The following ITPRID1 variants were observed in gnomAD, a reference collection of about 807,000 sequenced individuals.
ITPRID1 encodes the protein protein ITPRID1.
Under a neutral mutation model 95.4 loss-of-function variants are expected in ITPRID1, and 96 were observed. That is an observed-to-expected ratio of 1.01 (90% CI 0.85 to 1.19). ITPRID1 has a LOEUF of 1.19. Among genes scored for constraint, ITPRID1 ranks in the 50% most tolerant of loss-of-function variants. The pLI is 0.00. For synonymous variants in ITPRID1, 510 were observed against 453.6 expected, an observed-to-expected ratio of 1.12 and a Z score of -1.58; for missense variants, 1,339 against 1,252.9, an observed-to-expected ratio of 1.07 and a Z score of -1.04.
In ITPRID1 at chr7:31,642,245, C is replaced by T. The variant is rs748190032; in HGVS notation, c.1298C>T (p.Pro433Leu). ...GGGTTCCTGGAGGAGCCGCTGGAAC[C>T]GCTGCCCCTCCAGGTAGGAGGGTTT... is the stretch of plus-strand genomic sequence containing the variant. ...SSGFLEEPLE[P>L]LPLQMPSLPN... The change falls in exon 11 of 15, where the codon CCG becomes CTG. Residue 433 changes from proline (P) to leucine (L), a missense_variant. Coordinates refer to ENST00000615280, the MANE Select transcript of ITPRID1 (RefSeq NM_001257967.3). 44 of 1,552,610 alleles carry T rather than the reference C, an allele frequency of 2.8e-5. No individual in the cohort carries two copies. Among genetic ancestry groups the T allele is most frequent in the East Asian group, 4.9e-5 (2 of 41,210 alleles).
chr7:31,567,532 A>G (rs997128609), intron 5 of ITPRID1, among the ~76,000 whole-genome samples: 1 of 150,904 alleles, frequency 6.6e-6, no homozygotes, highest in East Asian at 2.0e-4. Flanking sequence ...ATATATTCCC[A>G]CTCACTATTT....
At chr7:31,648,259 A>G (rs1023939742) in intron 12 of ITPRID1, among the ~76,000 whole-genome samples, 7 of 152,154 alleles carry the variant, frequency 4.6e-5, no homozygotes, top group African/African-American at 1.4e-4. Flanking sequence ...GTTTGTTTCA[A>G]TGGGTTTGGG....
At chr7:31,632,422 G>T (rs1321475046) in intron 10 of ITPRID1, among the ~76,000 whole-genome samples, 1 of 152,078 alleles carries the variant, frequency 6.6e-6, no homozygotes. Context: ...ACTCCAGCCT[G>T]GGTGACAGAG....
At chr7:31,622,834 T>G (rs191443634) in intron 10 of ITPRID1, among the ~76,000 whole-genome samples, 18,094 of 151,796 alleles carry the variant, frequency 0.12, 1,225 homozygotes, top group Middle Eastern at 0.17. Flanking sequence ...TTTTTTGAAA[T>G]GATCAACAAA....
Position 31,585,300 on chromosome 7 carries a change from C to T in ITPRID1, c.1228+2109C>T, listed in dbSNP as rs149431927. Among the ~76,000 whole-genome samples the T allele has an allele frequency of 1.5e-3, 227 of 152,230 alleles. 2 individuals carry two copies. Among genetic ancestry groups the T allele is most frequent in the African/African-American group, 5.1e-3 (210 of 41,532 alleles). ...GTAGTAAGACTGTATTGCCTCTGCT[C>T]ATGGGCAATACTCTGCATACTAGCA... is the stretch of plus-strand genomic sequence containing the variant. On this transcript the variant is annotated intron_variant, in intron 10 of 14. Transcript: ENST00000615280.
At chr7:31,568,972 T>G (rs1297240874) in intron 5 of ITPRID1, among the ~76,000 whole-genome samples, 5 of 152,242 alleles carry the variant, frequency 3.3e-5, no homozygotes, top group African/African-American at 1.2e-4. Flanking sequence ...TGGAGATCAA[T>G]AATATCTATT....
chr7:31,524,326 A>G (rs1264600058), intron 1 of ITPRID1, among the ~76,000 whole-genome samples: 1 of 152,212 alleles, frequency 6.6e-6, no homozygotes, highest in Non-Finnish European at 1.5e-5. Context: ...TATGAGCAAA[A>G]TAAATGAAAA....
At chr7:31,524,770 T>C (rs217169) in intron 1 of ITPRID1, among the ~76,000 whole-genome samples, 93,814 of 152,022 alleles carry the variant, frequency 0.62, 29,608 homozygotes, top group East Asian at 0.86. Context: ...GTTATCTTAG[T>C]TTATTTTACG....
chr7:31,623,837 G>C (rs1012659102), intron 10 of ITPRID1, among the ~76,000 whole-genome samples: 1 of 152,180 alleles, frequency 6.6e-6, no homozygotes, highest in Admixed American at 6.5e-5. Flanking sequence ...AATTGTCCCT[G>C]TTTGCAGATG....
chr7:31,651,363 A>T (rs773862665), intron 13 of ITPRID1, 94 bp downstream of exon 13: 323 of 1,360,832 alleles, frequency 2.4e-4, no homozygotes, highest in Non-Finnish European at 3.0e-4. Context: ...ACCCTGGAGC[A>T]GAGCTAATGA....
At chr7:31,535,285 T>A (rs1310862417) in intron 1 of ITPRID1, among the ~76,000 whole-genome samples, 2 of 152,086 alleles carry the variant, frequency 1.3e-5, no homozygotes, top group Non-Finnish European at 2.9e-5. Context: ...AATATCACTG[T>A]CTTAACTTTT....
intron 12 of ITPRID1, among the ~76,000 whole-genome samples, chr7:31,648,627 T>C (rs924137573): frequency 6.6e-6 from 1 of 152,146 alleles, no homozygotes; most frequent in Non-Finnish European, 1.5e-5. Context: ...TACATGAGCA[T>C]AAAATTCAAT....
chr7:31,542,113 T>C (rs942476101), intron 1 of ITPRID1, among the ~76,000 whole-genome samples: 4 of 152,192 alleles, frequency 2.6e-5, no homozygotes, highest in Non-Finnish European at 4.4e-5. Flanking sequence ...AAATTGTTTT[T>C]TCAATAGTCT....
chr7:31,617,427 C>T lies in ITPRID1; in HGVS notation c.1229-24749C>T, dbSNP rs186108083. The stretch of plus-strand genomic sequence containing the variant: ...GGCAAGAGAGTCATTGAAATAATAA[C>T]CAAATCTCCCCAACAGTTTAATTAA... On this transcript the variant is annotated intron_variant, in intron 10 of 14. Coordinates refer to ENST00000615280, the MANE Select transcript of ITPRID1 (RefSeq NM_001257967.3). Among the ~76,000 whole-genome samples the T allele has an allele frequency of 7.9e-5, 12 of 152,164 alleles. No homozygotes were observed. In the East Asian group the frequency reaches 2.1e-3, roughly 27 times the overall value.
chr7:31,534,122 C>A (rs781315316), intron 1 of ITPRID1, among the ~76,000 whole-genome samples: 4 of 152,154 alleles, frequency 2.6e-5, no homozygotes, highest in Non-Finnish European at 4.4e-5. Context: ...TGAGGTGGAA[C>A]AATTTCATTC....
At chr7:31,651,077 C>T in intron 12 of ITPRID1, 65 bp from the exon 13 acceptor site, 1 of 1,555,734 alleles carries the variant, frequency 6.4e-7, no homozygotes, top group Non-Finnish European at 8.7e-7. Context: ...ACAGGCTCCA[C>T]CATGGTGAGC....
At chr7:31,522,143 G>A (rs1417899784) in intron 1 of ITPRID1, among the ~76,000 whole-genome samples, 1 of 152,094 alleles carries the variant, frequency 6.6e-6, no homozygotes, top group Non-Finnish European at 1.5e-5. Context: ...CTGAGTATTA[G>A]GAAGTTGTTT....
rs113587522 is a variant in ITPRID1 at position 31,633,043 on chromosome 7, T to C, written c.1229-9133T>C. Among the ~76,000 whole-genome samples the C allele has an allele frequency of 5.2e-4, 79 of 152,118 alleles. 1 individual carries two copies. Among genetic ancestry groups the C allele is most frequent in the Middle Eastern group, 3.4e-3 (1 of 294 alleles). On this transcript the variant is annotated intron_variant, in intron 10 of 14. Transcript: ENST00000615280. ...CTGGGATTACAGGTGGGCACCATCATGCCCAGCTAATTTTTGTATTTTTAG... is the reference window on the plus strand; with the variant it reads ...CTGGGATTACAGGTGGGCACCATCACGCCCAGCTAATTTTTGTATTTTTAG...
At chr7:31,516,662 A>C (rs1200170906) in intron 1 of ITPRID1, among the ~76,000 whole-genome samples, 4 of 152,220 alleles carry the variant, frequency 2.6e-5, no homozygotes, top group Non-Finnish European at 1.5e-5. Flanking sequence ...CAAATAGTAC[A>C]TGCTTAGATA....
Sources: allele counts gnomAD v4.1 joint callset (sites outside exome capture counted in the v4.1 genomes callset), GRCh38; gene constraint gnomAD v4.1.1; transcripts MANE v1.5; gene names NCBI Gene and HGNC (gene_info 2026-07-23, HGNC 2026-07-21).